Variants in ATP9B observed in about 807,000 individuals in gnomAD.
ATP9B encodes ATPase phospholipid transporting 9B, also known as probable phospholipid-transporting ATPase IIB.
Under a neutral mutation model 146.1 loss-of-function variants are expected in ATP9B, and 110 were observed. That is an observed-to-expected ratio of 0.75 (90% confidence interval 0.65 to 0.88). The LOEUF (loss-of-function observed/expected upper bound fraction) is 0.88. Ranked by LOEUF, ATP9B falls within the 40% of genes least tolerant of loss-of-function variation. The pLI, the probability that ATP9B is intolerant of heterozygous loss-of-function variation, is 0.00. For missense variants in ATP9B, 1,499 were observed against 1,496.4 expected (o/e 1.00, Z -0.03); for synonymous variants, 604 against 569.7 (o/e 1.06, Z -0.86).
chr18:79,356,424 A>T (rs998219381), intron 25 of ATP9B, among the ~76,000 whole-genome samples: 2 of 152,112 alleles, frequency 1.3e-5, no homozygotes, highest in African/African-American at 4.8e-5. Flanking sequence ...TCACCAAAAA[A>T]CCTGTGCAGT....
intron 11 of ATP9B, among the ~76,000 whole-genome samples, chr18:79,218,068 A>T (rs1287465586): frequency 6.6e-6 from 1 of 152,232 alleles, no homozygotes; most frequent in African/African-American, 2.4e-5. Context: ...TGCTCTGATA[A>T]TAAAGTGCCT....
intron 2 of ATP9B, among the ~76,000 whole-genome samples, chr18:79,100,116 ACT>A (rs778159298): frequency 6.6e-6 from 1 of 152,156 alleles, no homozygotes; most frequent in Non-Finnish European, 1.5e-5. Context: ...ACAGAGTGAG[ACT>A]CTGTCTCAAA....
intron 12 of ATP9B, 47 bp downstream of exon 12, chr18:79,253,588 A>G (rs779617272): frequency 1.3e-6 from 2 of 1,510,526 alleles, no homozygotes; most frequent in Non-Finnish European, 1.8e-6. Context: ...TTCATTGAGT[A>G]TGATTTTATT....
rs549353808 is a variant in ATP9B at position 79,372,598 on chromosome 18, C to T, written c.3013-227C>T. ...CAGGTCAAACAGAAGACAACATGAA[C>T]GTCTAACCTCAGGCACCAGTGGACA... On this transcript the variant is annotated intron_variant, in intron 26 of 29. Transcript: ENST00000426216. 64 of 654,638 alleles carry T rather than the reference C, an allele frequency of 9.8e-5. 1 individual carries two copies. In the East Asian group the frequency reaches 1.6e-3, roughly 16 times the overall value. 40.6% of individuals were successfully genotyped at this position (654,638 alleles called of 1,614,324 possible). A position where few individuals can be genotyped will look rare whatever the true frequency, so the allele number is the denominator to read the frequency against.
intron 7 of ATP9B, among the ~76,000 whole-genome samples, chr18:79,159,214 T>G (rs896788828): frequency 7.2e-5 from 11 of 152,202 alleles, no homozygotes; most frequent in African/African-American, 2.4e-4. Flanking sequence ...TCTGCTTGTT[T>G]AAAAAATCAG....
intron 29 of ATP9B, 127 bp downstream of exon 29, chr18:79,375,553 C>G (rs1252360842): frequency 1.3e-6 from 2 of 1,490,576 alleles, no homozygotes; most frequent in Non-Finnish European, 1.8e-6. Context: ...TCTCTGATGT[C>G]ACGTAAACTG....
chr18:79,089,594 C>T (rs1056538373), intron 1 of ATP9B, among the ~76,000 whole-genome samples: 8 of 151,928 alleles, frequency 5.3e-5, no homozygotes, highest in Non-Finnish European at 1.5e-5. Context: ...CTCTCCCTCA[C>T]TTCCAGTCTT....
chr18:79,256,286 T>TATATATATAC lies in ATP9B; in HGVS notation c.1268+2746_1268+2747insTATATATACA, dbSNP rs398033647. On this transcript the variant is annotated intron_variant, in intron 12 of 29. Transcript: ENST00000426216. The stretch of plus-strand genomic sequence containing the variant: ...ATATATATATATATATATATATATA[T>TATATATATAC]ACATACATAGTGAGGCTATGTTATT... 2.8e-4 allele frequency among the ~76,000 whole-genome samples: 34 copies of TATATATATAC among 123,032 alleles called. 1 individual carries two copies. The highest frequency in any genetic ancestry group is 9.4e-4 in the African/African-American group (29 of 30,768). 80.7% of individuals were successfully genotyped at this position (123,032 alleles called of 152,430 possible).
chr18:79,234,346 T>C (rs976490457), intron 11 of ATP9B, among the ~76,000 whole-genome samples: 1 of 152,248 alleles, frequency 6.6e-6, no homozygotes, highest in Admixed American at 6.5e-5. Context: ...TTGACCTTTT[T>C]CCCATTCCGA....
At chr18:79,237,648 T>A (rs899123376) in intron 11 of ATP9B, among the ~76,000 whole-genome samples, 2 of 151,752 alleles carry the variant, frequency 1.3e-5, no homozygotes, top group Non-Finnish European at 2.9e-5. Context: ...TTGGTATACC[T>A]TTTGTTGGAT....
Position 79,239,045 on chromosome 18 carries a change from C to T in ATP9B, c.1108-14336C>T, listed in dbSNP as rs2095867114. 6.6e-6 allele frequency among the ~76,000 whole-genome samples: 1 copy of T among 152,184 alleles called. No homozygotes were observed. The highest frequency in any genetic ancestry group is 1.5e-5 in the Non-Finnish European group (1 of 68,038). The stretch of plus-strand genomic sequence containing the variant: ...TTCTCTGCTTCATGCCTCAGGTAGG[C>T]AGGCTCAAGGAGAGCCTCCAGCCAC... On this transcript the variant is annotated intron_variant, in intron 11 of 29. Coordinates refer to ENST00000426216, the MANE Select transcript of ATP9B (RefSeq NM_198531.5). The surrounding 1 kb of genome is among the most constrained non-coding windows in gnomAD (Gnocchi z 5.1).
At chr18:79,184,168 T>C (rs2095281346) in intron 8 of ATP9B, among the ~76,000 whole-genome samples, 1 of 152,212 alleles carries the variant, frequency 6.6e-6, no homozygotes, top group Non-Finnish European at 1.5e-5. Flanking sequence ...TTAACCACTT[T>C]TAAATGTTTG....
At chr18:79,219,909 C>T (rs2095662055) in intron 11 of ATP9B, among the ~76,000 whole-genome samples, 1 of 152,164 alleles carries the variant, frequency 6.6e-6, no homozygotes, top group Non-Finnish European at 1.5e-5. Flanking sequence ...AAGACGAGAG[C>T]CTAACAATTT....
Position 79,164,863 on chromosome 18 carries a change from A to T in ATP9B, c.778+10308A>T, listed in dbSNP as rs562725638. 2.0e-5 allele frequency among the ~76,000 whole-genome samples: 3 copies of T among 152,346 alleles called. No homozygotes were observed. In the East Asian group the frequency reaches 5.8e-4, roughly 29 times the overall value. On this transcript the variant is annotated intron_variant, in intron 7 of 29. Coordinates refer to ENST00000426216, the MANE Select transcript of ATP9B (RefSeq NM_198531.5). Reference sequence around the variant, plus strand: ...ATATTTGTGTAGAGTAAGAGACCACAAGAATGCTCAGTAGCATGTGGAAAT... The same window carrying T: ...ATATTTGTGTAGAGTAAGAGACCACTAGAATGCTCAGTAGCATGTGGAAAT...
At chr18:79,160,235 T>A (rs1476286187) in intron 7 of ATP9B, among the ~76,000 whole-genome samples, 2 of 152,262 alleles carry the variant, frequency 1.3e-5, no homozygotes, top group Non-Finnish European at 2.9e-5. Flanking sequence ...AGCTCACTCT[T>A]AGCTAGGTTT....
At chr18:79,189,068 G>T (rs1355056996) in intron 8 of ATP9B, among the ~76,000 whole-genome samples, 1 of 152,072 alleles carries the variant, frequency 6.6e-6, no homozygotes, top group African/African-American at 2.4e-5. Context: ...TGTCCTTGAG[G>T]CCAGGCACGG....
intron 7 of ATP9B, among the ~76,000 whole-genome samples, chr18:79,175,392 TA>T (rs1442467743): frequency 6.6e-6 from 1 of 152,160 alleles, no homozygotes. Flanking sequence ...GTGAACAGTA[TA>T]AGATATATTC....
At chr18:79,197,633 T>TA (rs1350857831) in intron 9 of ATP9B, among the ~76,000 whole-genome samples, 2 of 152,006 alleles carry the variant, frequency 1.3e-5, no homozygotes, top group African/African-American at 4.8e-5. Flanking sequence ...GAGCAACCAC[T>TA]AAAAAAAGAA....
chr18:79,083,225 C>T (rs915255274), intron 1 of ATP9B, among the ~76,000 whole-genome samples: 2 of 152,218 alleles, frequency 1.3e-5, no homozygotes, highest in Non-Finnish European at 2.9e-5. Context: ...ACCACCTACT[C>T]AAGCCACAGT....
Sources: gnomAD v4.1 joint callset for allele counts (sites outside exome capture counted in the v4.1 genomes callset) on GRCh38, gnomAD v4.1.1 for gene constraint, Gnocchi (gnomAD v3.1) non-coding constraint, MANE v1.5 for transcripts, NCBI Gene and HGNC (gene_info 2026-07-23, HGNC 2026-07-21) for gene names.